The following CHSY3 variants were observed in gnomAD, a reference collection of about 807,000 sequenced individuals.
CHSY3 encodes the protein N-acetylgalactosaminyl-proteoglycan 3-beta-glucuronosyltransferase 3.
A neutral mutation model predicts 67.2 loss-of-function variants in CHSY3; 35 were observed. That is an observed-to-expected ratio of 0.52 (90% CI 0.40 to 0.69). CHSY3 has a LOEUF of 0.69. Ranked by LOEUF, CHSY3 falls within the 30% of genes least tolerant of loss-of-function variation. The pLI, the probability that CHSY3 is intolerant of heterozygous loss-of-function variation, is 0.00. For synonymous variants in CHSY3, 474 were observed against 434.7 expected (o/e 1.09, Z -1.12); for missense variants, 1,069 against 1,138.5 (o/e 0.94, Z 0.88).
chr5:130,177,828 G>T (rs1395200169), intron 2 of CHSY3, among the ~76,000 whole-genome samples: 1 of 151,968 alleles, frequency 6.6e-6, no homozygotes, highest in Non-Finnish European at 1.5e-5. Flanking sequence ...GAATTATTTT[G>T]TTGATAATTT....
chr5:130,009,980 C>A (rs1158430735), intron 2 of CHSY3, among the ~76,000 whole-genome samples: 2 of 152,144 alleles, frequency 1.3e-5, no homozygotes, highest in African/African-American at 4.8e-5. Context: ...GCACCCAGAT[C>A]ATAAAACAAG....
chr5:129,949,478 G>A (rs938172763), intron 2 of CHSY3, among the ~76,000 whole-genome samples: 2 of 152,166 alleles, frequency 1.3e-5, no homozygotes, highest in African/African-American at 4.8e-5. Flanking sequence ...ACCAAGAAAA[G>A]AAAAACAAAA....
intron 2 of CHSY3, among the ~76,000 whole-genome samples, chr5:129,951,060 C>G (rs1331383114): frequency 6.6e-6 from 1 of 152,010 alleles, no homozygotes; most frequent in South Asian, 2.1e-4. Flanking sequence ...ACCAATAGGG[C>G]AGAATAGAAA....
At chr5:130,070,490 T>C (rs1021166465) in intron 2 of CHSY3, among the ~76,000 whole-genome samples, 1 of 152,094 alleles carries the variant, frequency 6.6e-6, no homozygotes, top group Admixed American at 6.6e-5. Context: ...GTAAGTTTTA[T>C]GTGGATTTTG....
At position 130,186,340 on chromosome 5, in the gene CHSY3, A is replaced by G. The variant is rs1770421066; in HGVS notation, c.*549A>G. 1 of 152,586 alleles carries G rather than the reference A, an allele frequency of 6.6e-6. No homozygotes were observed. The highest frequency in any genetic ancestry group is 1.5e-5 in the Non-Finnish European group (1 of 68,034). The allele number at this position is 152,586 out of a possible 1,614,324, so 9.5% of individuals were successfully genotyped here. A position where few individuals can be genotyped will look rare whatever the true frequency, so the allele number is the denominator to read the frequency against. Reference sequence around the variant, plus strand: ...TTTTTAAAGTAAATGAATACCTATGATTGTATGTTTATTTTTTAAAAAAAG... The same window carrying G: ...TTTTTAAAGTAAATGAATACCTATGGTTGTATGTTTATTTTTTAAAAAAAG... On this transcript the variant is annotated 3_prime_UTR_variant, in exon 3 of 3. Transcript: ENST00000305031.
chr5:129,950,166 C>CA (rs34124435), intron 2 of CHSY3, among the ~76,000 whole-genome samples: 12,741 of 138,768 alleles, frequency 0.092, 741 homozygotes, highest in African/African-American at 0.16. Flanking sequence ...GACTCCATCT[C>CA]AAAAAAAAAA....
chr5:129,924,095 T>C (rs1230642845), intron 2 of CHSY3, among the ~76,000 whole-genome samples: 1 of 152,184 alleles, frequency 6.6e-6, no homozygotes, highest in East Asian at 1.9e-4. Flanking sequence ...AAGTTCTATT[T>C]AGTGATTTGA....
intron 2 of CHSY3, among the ~76,000 whole-genome samples, chr5:130,126,505 G>A (rs961121219): frequency 1.3e-5 from 2 of 151,986 alleles, no homozygotes; most frequent in Non-Finnish European, 2.9e-5. Context: ...GATAAGATTG[G>A]CTTGTAATTT....
At chr5:130,174,000 T>C (rs1407709027) in intron 2 of CHSY3, among the ~76,000 whole-genome samples, 12 of 152,076 alleles carry the variant, frequency 7.9e-5, no homozygotes, top group Non-Finnish European at 1.8e-4. Context: ...GGAAAGATTA[T>C]TAGTCATTTT....
intron 2 of CHSY3, among the ~76,000 whole-genome samples, chr5:130,101,855 A>G (rs1436609566): frequency 1.3e-5 from 2 of 152,138 alleles, no homozygotes; most frequent in African/African-American, 4.8e-5. Context: ...TTACACCACA[A>G]TTTTGTATCA....
At chr5:130,133,437 C>G (rs1302698200) in intron 2 of CHSY3, among the ~76,000 whole-genome samples, 1 of 151,850 alleles carries the variant, frequency 6.6e-6, no homozygotes, top group Admixed American at 6.6e-5. Flanking sequence ...TTTTATGTCC[C>G]TAAAAGCTGG....
chr5:130,082,106 C>T (rs1422901149), intron 2 of CHSY3, among the ~76,000 whole-genome samples: 1 of 152,082 alleles, frequency 6.6e-6, no homozygotes, highest in East Asian at 1.9e-4. Context: ...GAAAAAATTA[C>T]GTTTCCCATC....
At chr5:129,981,096 C>T (rs1263420160) in intron 2 of CHSY3, among the ~76,000 whole-genome samples, 2 of 150,900 alleles carry the variant, frequency 1.3e-5, no homozygotes, top group Non-Finnish European at 2.9e-5. Context: ...TGGCGGGCGC[C>T]TGTAGTCCCA....
chr5:129,979,928 C>T (rs888983190), intron 2 of CHSY3, among the ~76,000 whole-genome samples: 1 of 152,096 alleles, frequency 6.6e-6, no homozygotes. Flanking sequence ...GGCTTAATAA[C>T]TCATTTCTTT....
intron 2 of CHSY3, among the ~76,000 whole-genome samples, chr5:130,021,321 C>T (rs185611560): frequency 2.0e-4 from 31 of 152,098 alleles, no homozygotes; most frequent in Admixed American, 2.0e-3. Flanking sequence ...AGTAACATGC[C>T]CCAAATAGTA....
intron 2 of CHSY3, among the ~76,000 whole-genome samples, chr5:129,979,682 G>A (rs1762927190): frequency 6.6e-6 from 1 of 152,154 alleles, no homozygotes; most frequent in Non-Finnish European, 1.5e-5. Flanking sequence ...CTGAACAAAT[G>A]TATAATGATG....
intron 2 of CHSY3, among the ~76,000 whole-genome samples, chr5:130,024,054 A>G (rs550904195): frequency 8.7e-5 from 13 of 149,890 alleles, no homozygotes; most frequent in African/African-American, 2.5e-4. Flanking sequence ...TATGCAATCA[A>G]TGTAGACACT....
intron 2 of CHSY3, among the ~76,000 whole-genome samples, chr5:130,021,664 A>C (rs985925106): frequency 1.3e-5 from 2 of 152,086 alleles, no homozygotes; most frequent in African/African-American, 2.4e-5. Flanking sequence ...AATATGTTTT[A>C]ATGCTTTTTC....
At chr5:129,907,883 T>G (rs938165466) in intron 1 of CHSY3, among the ~76,000 whole-genome samples, 194 bp from the exon 2 acceptor site, 8 of 152,216 alleles carry the variant, frequency 5.3e-5, no homozygotes, top group African/African-American at 1.9e-4. Flanking sequence ...TGGTACAATT[T>G]TAATATGTTT....
Sources: gnomAD v4.1 joint callset for allele counts (sites outside exome capture counted in the v4.1 genomes callset) on GRCh38, gnomAD v4.1.1 for gene constraint, MANE v1.5 for transcripts, NCBI Gene and HGNC (gene_info 2026-07-23, HGNC 2026-07-21) for gene names.